Variants in PARP4 observed in about 807,000 individuals in gnomAD.
PARP4 encodes the protein protein mono-ADP-ribosyltransferase PARP4.
In PARP4, 120 loss-of-function variants were observed where a neutral mutation model predicts 187.7. The observed-to-expected ratio is 0.64, with a 90% CI of 0.55 to 0.74. The LOEUF is 0.74. Among genes scored for constraint, PARP4 ranks in the 30% least tolerant of loss-of-function variants. The probability of loss-of-function intolerance (pLI) is 0.00; values close to 1 mark genes in which losing one functional copy is unlikely to be tolerated. For synonymous variants in PARP4, 654 were observed against 740.9 expected (o/e 0.88, Z 1.90); for missense variants, 1,836 against 2,070.5 (o/e 0.89, Z 2.20).
At chr13:24,438,920 A>G (rs1221205332) in intron 30 of PARP4, among the ~76,000 whole-genome samples, 3 of 152,212 alleles carry the variant, frequency 2.0e-5, no homozygotes, top group Non-Finnish European at 2.9e-5. Flanking sequence ...TTGGTAAAAC[A>G]GATATCGAGG....
At position 24,486,270 on chromosome 13, in the gene PARP4, A is replaced by C. The variant is rs569195670; in HGVS notation, c.1250T>G (p.Val417Gly). The C allele has an allele frequency of 1.9e-5, 30 of 1,607,672 alleles. No individual in the cohort carries two copies. The highest frequency in any genetic ancestry group is 2.5e-5 in the Non-Finnish European group (29 of 1,174,350). Residue 417 changes from valine to glycine, a missense_variant, in exon 11 of 34, where the codon GTT (valine) becomes GGT (glycine). Coordinates refer to ENST00000381989, the MANE Select transcript of PARP4 (RefSeq NM_006437.4). The stretch of plus-strand genomic sequence containing the variant: ...CTCTGTGGTTTCATTCACTCTGCCA[A>C]CTCTAAATATCTGCAAGACATCCAC... The part of the protein sequence containing the change: ...SPVDVLQIFR[V>G]GRVNETTEFL...
intron 2 of PARP4, 81 bp from the exon 3 acceptor site, chr13:24,501,915 C>T (rs541504450): frequency 1.1e-6 from 1 of 873,792 alleles, no homozygotes; most frequent in Non-Finnish European, 1.8e-6. Flanking sequence ...AATTTTCACC[C>T]TTAGAAAGTA....
chr13:24,460,061 G>C lies in PARP4; in HGVS notation c.2209C>G (p.Leu737Val), dbSNP rs181272456. The C allele has an allele frequency of 3.1e-6, 5 of 1,614,044 alleles. No homozygotes were observed. Among genetic ancestry groups the C allele is most frequent in the Non-Finnish European group, 4.2e-6 (5 of 1,179,918 alleles). ...ACACCAACAGTGCCCAGGATGCTGA[G>C]TTCTGTGATGTAGGTAATTTTTATA... ...VLIKITYITE[L>V]SILGTVGVFF... Residue 737 changes from leucine (L) to valine (V), a missense_variant, in exon 18 of 34, where the codon CTC (leucine) becomes GTC (valine). By Grantham distance (32) the Leu-to-Val change is conservative. Around this residue, in one of 8 missense-constraint regions of PARP4, gnomAD observed 1,147 missense variants for 1,214.2 expected, o/e 0.94. Transcript: ENST00000381989.
rs192494302 is a variant in PARP4, at chr13:24,505,503, C to T, written c.-1-1726G>A. Reference sequence around the variant, plus strand: ...TTCAGATAAGCCTCTGTTGGCCTTGCGGTCAAGTGGTTAGGAAGGATGTTT... The same window carrying T: ...TTCAGATAAGCCTCTGTTGGCCTTGTGGTCAAGTGGTTAGGAAGGATGTTT... On this transcript the variant is annotated intron_variant, in intron 1 of 33. Transcript: ENST00000381989. 2.1e-3 allele frequency among the ~76,000 whole-genome samples: 316 copies of T among 152,234 alleles called. 2 individuals carry two copies. The highest frequency in any genetic ancestry group is 7.6e-4 in the Non-Finnish European group (52 of 68,014).
intron 1 of PARP4, among the ~76,000 whole-genome samples, chr13:24,505,962 T>C (rs1034275216): frequency 1.3e-5 from 2 of 152,236 alleles, no homozygotes; most frequent in Non-Finnish European, 2.9e-5. Context: ...TGCACCGCGA[T>C]TGGGCTCCGC....
intron 20 of PARP4, among the ~76,000 whole-genome samples, chr13:24,458,074 A>G (rs1237457703): frequency 6.6e-6 from 1 of 151,834 alleles, no homozygotes; most frequent in Non-Finnish European, 1.5e-5. Flanking sequence ...AGTTTGAGAA[A>G]AGCCTGGGCA....
chr13:24,439,326 C>A (rs1384736592), intron 30 of PARP4, among the ~76,000 whole-genome samples: 6 of 139,766 alleles, frequency 4.3e-5, no homozygotes, highest in African/African-American at 1.1e-4. Flanking sequence ...GACCCTGTCT[C>A]AAAAAAAAAA....
At chr13:24,429,012 A>AT (rs141291849) in intron 32 of PARP4, among the ~76,000 whole-genome samples, 52,432 of 151,212 alleles carry the variant, frequency 0.35, 9,189 homozygotes, top group Middle Eastern at 0.39. Flanking sequence ...TTTTCATTCT[A>AT]TTTTTTTTCT....
chr13:24,473,297 TTCA>T (rs1236182989), intron 15 of PARP4, among the ~76,000 whole-genome samples: 2 of 152,154 alleles, frequency 1.3e-5, no homozygotes, highest in African/African-American at 4.8e-5. Context: ...AACAGTAGAA[TTCA>T]TCTCTCTCTG....
intron 7 of PARP4, 109 bp downstream of exon 7, chr13:24,494,464 G>T (rs1868829894): frequency 6.2e-6 from 6 of 971,008 alleles, no homozygotes; most frequent in Non-Finnish European, 9.2e-6. Flanking sequence ...AAACTGCTGG[G>T]ATACAGGCAT....
intron 17 of PARP4, among the ~76,000 whole-genome samples, chr13:24,468,441 G>A (rs1178322612): frequency 8.9e-6 from 1 of 112,024 alleles, no homozygotes; most frequent in Admixed American, 1.1e-4. Context: ...TTTCGCTCTT[G>A]TTGCCCAGGC....
intron 27 of PARP4, among the ~76,000 whole-genome samples, chr13:24,444,620 C>A (rs1336506917): frequency 6.6e-6 from 1 of 152,090 alleles, no homozygotes; most frequent in African/African-American, 2.4e-5. Flanking sequence ...GGATTCAGTA[C>A]CAGTGCAAAT....
At chr13:24,460,679 AT>A (rs1872176348) in intron 17 of PARP4, among the ~76,000 whole-genome samples, 1 of 151,944 alleles carries the variant, frequency 6.6e-6, no homozygotes, top group South Asian at 2.1e-4. Flanking sequence ...TTCTCATGTT[AT>A]TTTTATTTTT....
In PARP4 at chr13:24,502,916, C is replaced by T. The variant is rs574024708; in HGVS notation, c.132+729G>A. On this transcript the variant is annotated intron_variant, in intron 2 of 33. Transcript: ENST00000381989. Reference sequence around the variant, plus strand: ...ACAGATGAGGCTCACAATGGCCAAGCCCCAGGGCTGAGGTCCAGGGAGGGG... The same window carrying T: ...ACAGATGAGGCTCACAATGGCCAAGTCCCAGGGCTGAGGTCCAGGGAGGGG... Among the ~76,000 whole-genome samples the T allele has an allele frequency of 2.0e-5, 3 of 152,302 alleles. No homozygotes were observed. The South Asian group carries it at 6.2e-4, about 32-fold the overall frequency.
At chr13:24,502,881 G>A (rs1007051660) in intron 2 of PARP4, among the ~76,000 whole-genome samples, 6 of 152,166 alleles carry the variant, frequency 3.9e-5, no homozygotes, top group African/African-American at 9.7e-5. Context: ...AGTTGAACAC[G>A]CTTCACAGAA....
rs1452678492 is a variant in PARP4 at position 24,447,131 on chromosome 13, T to C, written c.3170A>G (p.Lys1057Arg). The part of the protein sequence containing the change: ...CSPSCHSVSV[K>R]WQQLNPDVPE... ...CACATCTGGATTGAGTTGCTGCCAT[T>C]TGACGGAGACAGAGTGGCAACTCGG... The change falls in exon 26 of 34, where the codon AAA becomes AGA. Residue 1057 changes from lysine (K) to arginine (R), a missense_variant. Physicochemically the swap from Lys to Arg is conservative, Grantham distance 26. Around this residue, in one of 8 missense-constraint regions of PARP4, gnomAD observed 56 missense variants for 103.7 expected, o/e 0.54. Coordinates refer to ENST00000381989, the MANE Select transcript of PARP4 (RefSeq NM_006437.4). 3.7e-6 allele frequency: 6 copies of C among 1,613,470 alleles called. No homozygotes were observed. In the Admixed American group the frequency reaches 1.0e-4, roughly 27 times the overall value.
intron 27 of PARP4, among the ~76,000 whole-genome samples, chr13:24,444,876 G>A (rs563513376): frequency 6.6e-6 from 1 of 152,344 alleles, no homozygotes; most frequent in Non-Finnish European, 1.5e-5. Context: ...GCCTTATCCA[G>A]ATTTAGGAAA....
rs2137529886 is a variant in PARP4, at chr13:24,490,650, T to A, written c.1214+18A>T. ...CATTATATTATAACAGATCCTGAGA[T>A]ATTTCCTTTATGCTTACCTGTGATG... On this transcript the variant is annotated intron_variant, in intron 10 of 33. Transcript: ENST00000381989. The A allele has an allele frequency of 6.3e-7, 1 of 1,591,316 alleles. No individual in the cohort carries two copies. Among genetic ancestry groups the A allele is most frequent in the Middle Eastern group, 1.7e-4 (1 of 5,996 alleles).
At position 24,493,628 on chromosome 13, in the gene PARP4, G is replaced by A; in HGVS notation, c.847C>T (p.Leu283Phe). Residue 283 changes from leucine (L) to phenylalanine (F), a missense_variant, in exon 8 of 34, where the codon CTC becomes TTC. Physicochemically the swap from Leu to Phe is conservative, Grantham distance 22. Transcript: ENST00000381989. ...AGGCTAATCCTGTTCACTGGCTTGAGAAGCATGTGTTCCAGGTGGCCCAGG... is the reference window on the plus strand; with the variant it reads ...AGGCTAATCCTGTTCACTGGCTTGAAAAGCATGTGTTCCAGGTGGCCCAGG... Reference protein sequence around the residue: ...EALGHLEHMLLKPVNRISLND... With the variant: ...EALGHLEHMLFKPVNRISLND... 1.2e-6 allele frequency: 2 copies of A among 1,613,830 alleles called. No homozygotes were observed. Among genetic ancestry groups the A allele is most frequent in the Non-Finnish European group, 1.7e-6 (2 of 1,179,930 alleles).
Sources: gnomAD v4.1 joint callset for allele counts (sites outside exome capture counted in the v4.1 genomes callset) on GRCh38, gnomAD v4.1.1 for gene constraint, gnomAD v4.1.1 regional missense constraint, MANE v1.5 for transcripts, NCBI Gene and HGNC (gene_info 2026-07-23, HGNC 2026-07-21) for gene names.